Variants in ADGRB3 observed in about 807,000 individuals in gnomAD.
The protein encoded by ADGRB3 is brain-specific angiogenesis inhibitor 3.
In ADGRB3, 37 loss-of-function variants were observed where a neutral mutation model predicts 193.4. The ratio of observed to expected loss-of-function variants is 0.19; its 90% CI spans 0.15 to 0.25. ADGRB3 has a LOEUF of 0.25. Among genes scored for constraint, ADGRB3 ranks in the 10% least tolerant of loss-of-function variants. The pLI, the probability that ADGRB3 is intolerant of heterozygous loss-of-function variation, is 1.00. For missense variants in ADGRB3, 1,637 were observed against 1,852.9 expected, an observed-to-expected ratio of 0.88 and a Z score of 2.14; for synonymous variants, 690 against 644.2, an observed-to-expected ratio of 1.07 and a Z score of -1.08.
At chr6:69,253,395 A>C (rs1448227564) in intron 20 of ADGRB3, among the ~76,000 whole-genome samples, 1 of 152,082 alleles carries the variant, frequency 6.6e-6, no homozygotes, top group African/African-American at 2.4e-5. Flanking sequence ...CTTCAGGTTA[A>C]TTTAGGTAGG....
rs1582422117 is a variant in ADGRB3, at chr6:69,049,428, A to C, written c.2333+82A>C. On this transcript the variant is annotated intron_variant, in intron 15 of 31. Transcript: ENST00000370598. Reference sequence around the variant, plus strand: ...ATAGCTCATTCTATAAAAATAGTCAAACAAGCTGTGGTAATATGAAGGGAT... The same window carrying C: ...ATAGCTCATTCTATAAAAATAGTCACACAAGCTGTGGTAATATGAAGGGAT... The C allele has an allele frequency of 2.9e-6, 3 of 1,048,106 alleles. No homozygotes were observed. In the East Asian group the frequency reaches 7.5e-5, roughly 26 times the overall value. 64.9% of individuals were successfully genotyped at this position (1,048,106 alleles called of 1,614,324 possible). A position where few individuals can be genotyped will look rare whatever the true frequency, so the allele number is the denominator to read the frequency against.
intron 17 of ADGRB3, among the ~76,000 whole-genome samples, chr6:69,168,172 TAA>T (rs1379874149): frequency 2.0e-5 from 3 of 152,124 alleles, no homozygotes; most frequent in Non-Finnish European, 4.4e-5. Flanking sequence ...TAATAAATTA[TAA>T]GAGTCGATGC....
intron 3 of ADGRB3, among the ~76,000 whole-genome samples, chr6:68,685,520 TTC>T (rs2127299781): frequency 6.6e-6 from 1 of 152,004 alleles, no homozygotes; most frequent in East Asian, 1.9e-4. Context: ...ATAAGGCAAA[TTC>T]TGTGTTATTG....
Position 68,856,983 on chromosome 6 carries a change from G to T in ADGRB3, c.758-73576G>T, listed in dbSNP as rs543826530. On this transcript the variant is annotated intron_variant, in intron 3 of 31. Transcript: ENST00000370598. The stretch of plus-strand genomic sequence containing the variant: ...CTAAAAGAAGCCAAGGTACAGCTTG[G>T]GTTTTGGCTTCAAAGGGTGGAAGTC... Among the ~76,000 whole-genome samples the T allele has an allele frequency of 5.9e-5, 9 of 152,278 alleles. No homozygotes were observed. The South Asian group carries it at 1.9e-3, about 32-fold the overall frequency.
At chr6:68,761,283 A>G (rs181252516) in intron 3 of ADGRB3, among the ~76,000 whole-genome samples, 35 of 152,318 alleles carry the variant, frequency 2.3e-4, no homozygotes, top group East Asian at 9.6e-4. Context: ...AATATTTTCA[A>G]ACAAGCACAC....
chr6:68,949,085 G>T (rs937321247), intron 6 of ADGRB3, among the ~76,000 whole-genome samples: 1 of 151,892 alleles, frequency 6.6e-6, no homozygotes, highest in Non-Finnish European at 1.5e-5. Flanking sequence ...TCGATGTAGA[G>T]GATTTTTTAA....
chr6:68,952,085 CT>C (rs1314499751), intron 6 of ADGRB3, among the ~76,000 whole-genome samples: 1 of 152,098 alleles, frequency 6.6e-6, no homozygotes, highest in African/African-American at 2.4e-5. Context: ...TGCACAAATT[CT>C]ATCTGGAAAT....
chr6:68,754,842 T>G (rs767699897), intron 3 of ADGRB3, among the ~76,000 whole-genome samples: 1 of 151,746 alleles, frequency 6.6e-6, no homozygotes, highest in African/African-American at 2.4e-5. Context: ...TATTCTGGAG[T>G]GACAGGGCTG....
intron 8 of ADGRB3, among the ~76,000 whole-genome samples, chr6:68,960,693 C>G (rs1768207077): frequency 6.6e-6 from 1 of 152,154 alleles, no homozygotes; most frequent in Non-Finnish European, 1.5e-5. Context: ...CTCCTATCTT[C>G]TTTTGAGTGC....
chr6:68,851,876 A>G (rs1384492161), intron 3 of ADGRB3, among the ~76,000 whole-genome samples: 1 of 152,006 alleles, frequency 6.6e-6, no homozygotes, highest in South Asian at 2.1e-4. Context: ...TACACTAAAG[A>G]TATAGATTTC....
intron 3 of ADGRB3, among the ~76,000 whole-genome samples, chr6:68,873,968 C>A (rs987404894): frequency 2.6e-5 from 4 of 152,018 alleles, no homozygotes; most frequent in Admixed American, 1.3e-4. Context: ...TAAATGAAAG[C>A]TCTAAATTTA....
intron 15 of ADGRB3, among the ~76,000 whole-genome samples, chr6:69,059,068 C>T (rs1771636595): frequency 6.6e-6 from 1 of 151,682 alleles, no homozygotes; most frequent in African/African-American, 2.4e-5. Flanking sequence ...TTAAAATATC[C>T]CATTATATTG....
At chr6:69,363,851 A>T (rs973375089) in intron 29 of ADGRB3, among the ~76,000 whole-genome samples, 9 of 152,056 alleles carry the variant, frequency 5.9e-5, no homozygotes, top group African/African-American at 2.2e-4. Context: ...TAGATTGCGT[A>T]TGCAGGGTCA....
intron 17 of ADGRB3, among the ~76,000 whole-genome samples, chr6:69,120,406 G>A (rs1773650392): frequency 6.6e-6 from 1 of 152,190 alleles, no homozygotes; most frequent in Non-Finnish European, 1.5e-5. Flanking sequence ...TCAAGTTTGA[G>A]AAACACTGTA....
intron 10 of ADGRB3, among the ~76,000 whole-genome samples, chr6:68,983,849 A>G (rs1768996866): frequency 6.6e-6 from 1 of 152,214 alleles, no homozygotes; most frequent in African/African-American, 2.4e-5. Context: ...AATAAAAAAC[A>G]GTGAGGTCTC....
intron 3 of ADGRB3, among the ~76,000 whole-genome samples, chr6:68,877,684 C>A (rs545272267): frequency 3.9e-5 from 6 of 152,110 alleles, no homozygotes; most frequent in African/African-American, 7.2e-5. Context: ...TTTCTTCTTG[C>A]AATTTATTGG....
intron 6 of ADGRB3, among the ~76,000 whole-genome samples, chr6:68,948,537 C>T (rs573331890): frequency 1.3e-5 from 2 of 152,142 alleles, no homozygotes; most frequent in Admixed American, 6.6e-5. Context: ...TTAAACACTT[C>T]GGGGAACATA....
At chr6:68,861,889 G>T (rs915379102) in intron 3 of ADGRB3, among the ~76,000 whole-genome samples, 1 of 152,146 alleles carries the variant, frequency 6.6e-6, no homozygotes, top group African/African-American at 2.4e-5. Context: ...TTAAATGGGG[G>T]TAATATATGC....
chr6:69,354,005 G>A (rs185162676), intron 26 of ADGRB3, among the ~76,000 whole-genome samples: 1 of 152,342 alleles, frequency 6.6e-6, no homozygotes. Flanking sequence ...GGAGGTTGCA[G>A]TGAGGCAGGA....
Sources: gnomAD v4.1 joint callset for allele counts (sites outside exome capture counted in the v4.1 genomes callset) on GRCh38, gnomAD v4.1.1 for gene constraint, MANE v1.5 for transcripts, NCBI Gene and HGNC (gene_info 2026-07-23, HGNC 2026-07-21) for gene names.